The following MYO5B variants were observed in gnomAD, a reference collection of about 807,000 sequenced individuals.
MYO5B encodes the protein myosin VB.
MYO5B carries 143 observed loss-of-function variants against 229.3 expected under a neutral mutation model. The observed-to-expected ratio is 0.62, with a 90% CI of 0.54 to 0.72. MYO5B has a LOEUF of 0.72. Ranked by LOEUF, MYO5B falls within the 30% of genes least tolerant of loss-of-function variation. The pLI is 0.00. For missense variants in MYO5B, 2,321 were observed against 2,331.0 expected, an observed-to-expected ratio of 1.00 and a Z score of 0.09; for synonymous variants, 918 against 885.2, an observed-to-expected ratio of 1.04 and a Z score of -0.66.
intron 2 of MYO5B, among the ~76,000 whole-genome samples, chr18:50,042,166 T>C (rs917141054): frequency 7.9e-5 from 12 of 152,222 alleles, no homozygotes; most frequent in Non-Finnish European, 1.5e-4. Context: ...GAATTTTTCA[T>C]TGATGAACTC....
chr18:50,169,564 C>A (rs1368359412), intron 1 of MYO5B, among the ~76,000 whole-genome samples: 1 of 127,188 alleles, frequency 7.9e-6, no homozygotes, highest in Non-Finnish European at 1.7e-5. Flanking sequence ...CTGTAATCTA[C>A]ACAAACTGTC....
At chr18:49,882,539 A>C (rs952326215) in intron 22 of MYO5B, among the ~76,000 whole-genome samples, 48 of 148,058 alleles carry the variant, frequency 3.2e-4, no homozygotes, top group African/African-American at 1.2e-3. Context: ...GAAGCAGGTG[A>C]ATCACTTGAA....
Position 49,962,410 on chromosome 18 carries a change from G to A in MYO5B, c.1405-4C>T, listed in dbSNP as rs1312837331. On this transcript the variant is annotated splice_polypyrimidine_tract_variant and splice_region_variant and intron_variant, in intron 11 of 39. Transcript: ENST00000285039. Reference sequence around the variant, plus strand: ...CTTGCTCCAGTTTGAAAACATGCTAGGGCAAGTAAAAAGGTCACACGAGTG... The same window carrying A: ...CTTGCTCCAGTTTGAAAACATGCTAAGGCAAGTAAAAAGGTCACACGAGTG... 1 of 1,613,952 alleles carries A rather than the reference G, an allele frequency of 6.2e-7. No homozygotes were observed. Among genetic ancestry groups the A allele is most frequent in the Non-Finnish European group, 8.5e-7 (1 of 1,180,010 alleles).
At chr18:50,054,518 T>C (rs2030491478) in intron 2 of MYO5B, among the ~76,000 whole-genome samples, 1 of 152,200 alleles carries the variant, frequency 6.6e-6, no homozygotes, top group Non-Finnish European at 1.5e-5. Context: ...CCCTGGGACC[T>C]GGCACAGCAT....
Position 49,895,056 on chromosome 18 carries a change from G to T in MYO5B, c.2930C>A (p.Thr977Asn). Residue 977 changes from threonine to asparagine, a missense_variant, in exon 22 of 40, where the codon ACC (threonine) becomes AAC (asparagine). Thr to Asn is a moderately conservative substitution (Grantham distance 65). Transcript: ENST00000285039. Reference protein sequence around the residue: ...VHYQQSPGEDTSLRLQEEVES... With the variant: ...VHYQQSPGEDNSLRLQEEVES... ...CACCTCCTCCTGCAGCCTGAGGCTG[G>T]TGTCCTCACCTGGGCTCTGCTGGTA... 6.2e-7 allele frequency: 1 copy of T among 1,614,144 alleles called. No individual in the cohort carries two copies. Among genetic ancestry groups the T allele is most frequent in the Non-Finnish European group, 8.5e-7 (1 of 1,180,042 alleles).
chr18:49,949,436 T>C (rs563164305), intron 14 of MYO5B, among the ~76,000 whole-genome samples: 21 of 152,290 alleles, frequency 1.4e-4, no homozygotes, highest in African/African-American at 5.1e-4. Context: ...CTTAAGTCTC[T>C]ATTTACAGCT....
chr18:50,059,603 C>T (rs1455486617), intron 1 of MYO5B, among the ~76,000 whole-genome samples: 1 of 152,158 alleles, frequency 6.6e-6, no homozygotes, highest in South Asian at 2.1e-4. Flanking sequence ...AATAAAGACA[C>T]GTGGAACACA....
intron 1 of MYO5B, among the ~76,000 whole-genome samples, chr18:50,082,080 G>A (rs1299528173): frequency 6.6e-6 from 1 of 152,188 alleles, no homozygotes; most frequent in Non-Finnish European, 1.5e-5. Flanking sequence ...AGTTGAGATT[G>A]GCAGCTAAGA....
At chr18:49,966,431 C>T (rs920283824) in intron 10 of MYO5B, among the ~76,000 whole-genome samples, 2 of 152,154 alleles carry the variant, frequency 1.3e-5, no homozygotes, top group African/African-American at 4.8e-5. Context: ...GAATTGGGGC[C>T]CTTCCAGCCC....
chr18:50,026,100 T>C (rs1212927173), intron 4 of MYO5B, among the ~76,000 whole-genome samples: 4 of 152,246 alleles, frequency 2.6e-5, no homozygotes, highest in Non-Finnish European at 4.4e-5. Flanking sequence ...AGTTTGAAGA[T>C]TGCTGCTCTA....
At chr18:50,030,486 C>CT (rs1423106622) in intron 4 of MYO5B, among the ~76,000 whole-genome samples, 1 of 152,164 alleles carries the variant, frequency 6.6e-6, no homozygotes, top group Non-Finnish European at 1.5e-5. Context: ...TTCCATACTG[C>CT]TTCCCTGGAA....
chr18:50,070,218 T>A (rs1454886576), intron 1 of MYO5B, among the ~76,000 whole-genome samples: 2 of 151,940 alleles, frequency 1.3e-5, no homozygotes, highest in Non-Finnish European at 2.9e-5. Context: ...GAGACAAGGT[T>A]TCACCATGTT....
At chr18:50,021,303 A>C (rs2026271753) in intron 4 of MYO5B, among the ~76,000 whole-genome samples, 1 of 152,190 alleles carries the variant, frequency 6.6e-6, no homozygotes, top group South Asian at 2.1e-4. Context: ...CAGGTTCTCC[A>C]GATTCAATCC....
chr18:50,064,913 A>C (rs893906741), intron 1 of MYO5B, among the ~76,000 whole-genome samples: 3 of 152,216 alleles, frequency 2.0e-5, no homozygotes, highest in Admixed American at 2.0e-4. Flanking sequence ...AAAATTATTA[A>C]GAGAAAGCAT....
At chr18:49,847,396 G>A (rs2024143575) in intron 32 of MYO5B, 107 bp from the exon 33 acceptor site, 9 of 1,377,954 alleles carry the variant, frequency 6.5e-6, no homozygotes, top group Non-Finnish European at 7.0e-6. Context: ...CAGGGGAAGG[G>A]GCATCTCTGG....
chr18:49,862,645 CT>C (rs2024345051), intron 29 of MYO5B, among the ~76,000 whole-genome samples: 1 of 152,220 alleles, frequency 6.6e-6, no homozygotes, highest in Non-Finnish European at 1.5e-5. Context: ...GACAATCACT[CT>C]TGCTTGCCTT....
At chr18:49,969,121 T>C (rs983839274) in intron 10 of MYO5B, among the ~76,000 whole-genome samples, 1 of 152,190 alleles carries the variant, frequency 6.6e-6, no homozygotes, top group African/African-American at 2.4e-5. Flanking sequence ...ATGTCCTCCC[T>C]GAAGAAGGCA....
At chr18:50,159,688 C>A (rs1196061259) in intron 1 of MYO5B, among the ~76,000 whole-genome samples, 1 of 152,190 alleles carries the variant, frequency 6.6e-6, no homozygotes, top group Non-Finnish European at 1.5e-5. Flanking sequence ...CTTTGCCATC[C>A]CGCACCTCCA....
At chr18:49,854,784 G>C (rs2024241641) in intron 30 of MYO5B, among the ~76,000 whole-genome samples, 2 of 152,172 alleles carry the variant, frequency 1.3e-5, no homozygotes. Context: ...GGTTTGGGAG[G>C]TGAGAATTAT....
Sources: gnomAD v4.1 joint callset for allele counts (sites outside exome capture counted in the v4.1 genomes callset) on GRCh38, gnomAD v4.1.1 for gene constraint, MANE v1.5 for transcripts, NCBI Gene and HGNC (gene_info 2026-07-23, HGNC 2026-07-21) for gene names.